Variants in KCND2 observed in about 807,000 individuals in gnomAD.
KCND2 encodes the protein potassium voltage-gated channel subfamily D member 2.
KCND2 carries 16 observed loss-of-function variants against 54.4 expected under a neutral mutation model. The observed-to-expected ratio is 0.29, with a 90% CI of 0.20 to 0.45. KCND2 has a LOEUF of 0.45. Among genes scored for constraint, KCND2 ranks in the 20% least tolerant of loss-of-function variants. KCND2 has a pLI of 1.00. For synonymous variants in KCND2, 317 were observed against 310.7 expected (o/e 1.02, Z -0.21); for missense variants, 486 against 824.2 (o/e 0.59, Z 5.02).
intron 1 of KCND2, among the ~76,000 whole-genome samples, chr7:120,581,412 A>G (rs142979749): frequency 6.6e-6 from 1 of 152,354 alleles, no homozygotes; most frequent in Non-Finnish European, 1.5e-5. Context: ...TGAATTGAAT[A>G]TCCTAGAACA....
intron 1 of KCND2, among the ~76,000 whole-genome samples, chr7:120,430,550 A>G (rs968925909): frequency 4.6e-5 from 7 of 151,778 alleles, no homozygotes; most frequent in Admixed American, 3.9e-4. Context: ...GCAAGACCCT[A>G]TCTTAAAAAA....
At chr7:120,278,409 G>A (rs980566659) in intron 1 of KCND2, among the ~76,000 whole-genome samples, 1 of 151,722 alleles carries the variant, frequency 6.6e-6, no homozygotes, top group Non-Finnish European at 1.5e-5. Context: ...AGTTATCTGA[G>A]CTCTTTTTAT....
At chr7:120,309,713 T>C (rs1799708095) in intron 1 of KCND2, among the ~76,000 whole-genome samples, 1 of 151,926 alleles carries the variant, frequency 6.6e-6, no homozygotes, top group Admixed American at 6.6e-5. Context: ...ATATCTTATG[T>C]TATGGACTTC....
chr7:120,532,872 A>G (rs1442108612), intron 1 of KCND2, among the ~76,000 whole-genome samples: 3 of 152,042 alleles, frequency 2.0e-5, no homozygotes, highest in Non-Finnish European at 2.9e-5. Context: ...AAGATATAAG[A>G]TAAGCCGCTA....
intron 1 of KCND2, among the ~76,000 whole-genome samples, chr7:120,612,559 AAC>A (rs1304532019): frequency 3.3e-5 from 5 of 152,210 alleles, no homozygotes; most frequent in African/African-American, 1.2e-4. Flanking sequence ...TTATTTTTCA[AAC>A]ACAGCTTTTT....
chr7:120,680,182 A>T (rs1349209280), intron 1 of KCND2, among the ~76,000 whole-genome samples: 1 of 152,098 alleles, frequency 6.6e-6, no homozygotes, highest in African/African-American at 2.4e-5. Flanking sequence ...CGGGGAGGAC[A>T]TTGTGCTAGA....
chr7:120,724,098 C>T (rs768028670), intron 1 of KCND2, among the ~76,000 whole-genome samples: 15 of 152,104 alleles, frequency 9.9e-5, no homozygotes, highest in Non-Finnish European at 1.6e-4. Context: ...CAGACCTTTC[C>T]CTGAAGGATT....
intron 1 of KCND2, among the ~76,000 whole-genome samples, chr7:120,677,578 TAG>T (rs1200886325): frequency 4.6e-4 from 68 of 148,194 alleles, no homozygotes; most frequent in African/African-American, 1.4e-3. Flanking sequence ...TATAGATATA[TAG>T]ATATATAAAA....
At chr7:120,614,607 A>C (rs1191809377) in intron 1 of KCND2, among the ~76,000 whole-genome samples, 1 of 152,198 alleles carries the variant, frequency 6.6e-6, no homozygotes, top group Non-Finnish European at 1.5e-5. Context: ...TTCCCCAGCT[A>C]AGCCCAATTA....
At chr7:120,434,379 G>C (rs1341526607) in intron 1 of KCND2, among the ~76,000 whole-genome samples, 2 of 152,160 alleles carry the variant, frequency 1.3e-5, no homozygotes, top group East Asian at 1.9e-4. Flanking sequence ...CCTATGCCTA[G>C]TGTACTTCCA....
At chr7:120,626,884 T>G (rs1378453192) in intron 1 of KCND2, among the ~76,000 whole-genome samples, 1 of 152,194 alleles carries the variant, frequency 6.6e-6, no homozygotes, top group African/African-American at 2.4e-5. Flanking sequence ...AATGTCTCAC[T>G]CCAAAAAAGT....
chr7:120,683,383 G>A (rs371715080), intron 1 of KCND2, among the ~76,000 whole-genome samples: 1 of 152,094 alleles, frequency 6.6e-6, no homozygotes. Flanking sequence ...GTTGTGTAGT[G>A]TTGAAAGATG....
chr7:120,441,885 A>G (rs73435806), intron 1 of KCND2, among the ~76,000 whole-genome samples: 1,667 of 152,196 alleles, frequency 0.011, 34 homozygotes, highest in African/African-American at 0.038. Context: ...TGTGTGAACT[A>G]CTACCAAGTT....
chr7:120,621,307 A>G (rs1338456641), intron 1 of KCND2, among the ~76,000 whole-genome samples: 2 of 147,536 alleles, frequency 1.4e-5, no homozygotes, highest in African/African-American at 5.0e-5. Flanking sequence ...AAAAAAAAGA[A>G]CCATATGGTA....
intron 1 of KCND2, among the ~76,000 whole-genome samples, chr7:120,666,882 G>A (rs1451553139): frequency 6.6e-6 from 1 of 151,994 alleles, no homozygotes; most frequent in East Asian, 1.9e-4. Flanking sequence ...AGGAAATTAA[G>A]CGTAAAGAAA....
chr7:120,436,643 G>A (rs536074637), intron 1 of KCND2, among the ~76,000 whole-genome samples: 5 of 152,168 alleles, frequency 3.3e-5, no homozygotes, highest in Non-Finnish European at 5.9e-5. Flanking sequence ...CCAGGTGGGG[G>A]GCCATCTGGC....
In KCND2 at chr7:120,458,444, G is replaced by C. The variant is rs974083451; in HGVS notation, c.1115+182697G>C. ...ATTCAGATTCTAAATGGTCAGAATA[G>C]ATAAAAATGTTTACCAACTCATGCC... On this transcript the variant is annotated intron_variant, in intron 1 of 5. Coordinates refer to ENST00000331113, the MANE Select transcript of KCND2 (RefSeq NM_012281.3). 2.0e-5 allele frequency among the ~76,000 whole-genome samples: 3 copies of C among 152,168 alleles called. No homozygotes were observed. In the East Asian group the frequency reaches 5.8e-4, roughly 29 times the overall value.
At chr7:120,421,729 CAATACA>C (rs1278841264) in intron 1 of KCND2, among the ~76,000 whole-genome samples, 1 of 152,176 alleles carries the variant, frequency 6.6e-6, no homozygotes, top group Non-Finnish European at 1.5e-5. Flanking sequence ...TTAGTTATGG[CAATACA>C]AATACTAGTC....
chr7:120,631,837 G>A (rs1793237652), intron 1 of KCND2, among the ~76,000 whole-genome samples: 3 of 152,082 alleles, frequency 2.0e-5, no homozygotes, highest in African/African-American at 7.2e-5. Flanking sequence ...TTATACAAAT[G>A]TACAGACTCC....
Sources: gnomAD v4.1 joint callset for allele counts (sites outside exome capture counted in the v4.1 genomes callset) on GRCh38, gnomAD v4.1.1 for gene constraint, MANE v1.5 for transcripts, NCBI Gene and HGNC (gene_info 2026-07-23, HGNC 2026-07-21) for gene names.